ANKFN1: variants seen among roughly 807,000 people sequenced by gnomAD.
ANKFN1 encodes the protein ankyrin repeat and fibronectin type III domain containing 1, also known as ankyrin repeat and fibronectin type-III domain-containing protein 1.
In ANKFN1, 74 loss-of-function variants were observed where a neutral mutation model predicts 108.7. The ratio of observed to expected loss-of-function variants is 0.68; its 90% CI spans 0.56 to 0.83. The LOEUF (loss-of-function observed/expected upper bound fraction) is 0.83. ANKFN1 is among the 40% of genes least tolerant of loss of function. The pLI, the probability that ANKFN1 is intolerant of heterozygous loss-of-function variation, is 0.00. For missense variants in ANKFN1, 1,505 were observed against 1,382.3 expected, an observed-to-expected ratio of 1.09 and a Z score of -1.41; for synonymous variants, 547 against 516.2, an observed-to-expected ratio of 1.06 and a Z score of -0.81.
chr17:56,114,835 G>C (rs1021402845), intron 4 of ANKFN1, among the ~76,000 whole-genome samples: 12 of 152,222 alleles, frequency 7.9e-5, no homozygotes, highest in African/African-American at 2.9e-4. Context: ...ATGAATCAAA[G>C]TCAGAGAAGG....
intron 4 of ANKFN1, among the ~76,000 whole-genome samples, chr17:56,144,297 GA>G (rs1240781242): frequency 1.3e-5 from 2 of 151,836 alleles, no homozygotes; most frequent in African/African-American, 4.8e-5. Context: ...GGCTCCATGT[GA>G]AAAATCAAGA....
chr17:56,354,669 T>C (rs553872751), intron 6 of ANKFN1, among the ~76,000 whole-genome samples: 2 of 152,332 alleles, frequency 1.3e-5, no homozygotes, highest in South Asian at 2.1e-4. Flanking sequence ...TTGATACCCA[T>C]TGACCAATCT....
intron 8 of ANKFN1, among the ~76,000 whole-genome samples, chr17:56,387,002 T>C (rs1271870575): frequency 6.6e-6 from 1 of 152,142 alleles, no homozygotes; most frequent in Non-Finnish European, 1.5e-5. Context: ...GTTTAAATCA[T>C]GGTGATTATA....
intron 4 of ANKFN1, among the ~76,000 whole-genome samples, chr17:56,134,892 T>G (rs2143363976): frequency 6.6e-6 from 1 of 152,332 alleles, no homozygotes; most frequent in South Asian, 2.1e-4. Flanking sequence ...TTTATTATTT[T>G]TTTCTTCTGA....
Position 56,511,063 on chromosome 17 carries a change from A to C in ANKFN1, c.3235A>C (p.Ser1079Arg). The C allele has an allele frequency of 6.5e-7, 1 of 1,536,012 alleles. No homozygotes were observed. The highest frequency in any genetic ancestry group is 8.7e-7 in the Non-Finnish European group (1 of 1,146,866). ...AASLPEERNS[S>R]LQDARPSVRR... ...CAGCCTTCCTGAGGAGCGGAACAGC[A>C]GTCTCCAGGACGCGAGGCCTTCCGT... Residue 1079 changes from serine (S) to arginine (R), a missense_variant, in exon 21 of 21, where the codon AGT becomes CGT. Ser to Arg is a moderately radical substitution (Grantham distance 110). Transcript: ENST00000682825.
chr17:56,388,949 T>TGC (rs1322215985), intron 8 of ANKFN1, among the ~76,000 whole-genome samples: 1 of 151,610 alleles, frequency 6.6e-6, no homozygotes, highest in Non-Finnish European at 1.5e-5. Flanking sequence ...AGGTTGCTCT[T>TGC]ACATTGTTTG....
At chr17:56,446,317 T>C in intron 10 of ANKFN1, among the ~76,000 whole-genome samples, 1 of 152,138 alleles carries the variant, frequency 6.6e-6, no homozygotes, top group East Asian at 1.9e-4. Context: ...ACACACAACC[T>C]TGCTTATCTT....
chr17:56,330,373 G>A (rs2045630155), intron 4 of ANKFN1, among the ~76,000 whole-genome samples: 1 of 152,124 alleles, frequency 6.6e-6, no homozygotes. Context: ...GAATGGTATG[G>A]GGGAAACCGC....
At chr17:56,404,484 A>G (rs2047858189) in intron 8 of ANKFN1, among the ~76,000 whole-genome samples, 1 of 152,160 alleles carries the variant, frequency 6.6e-6, no homozygotes, top group Non-Finnish European at 1.5e-5. Flanking sequence ...CATTTCTAAA[A>G]GTGTGTCCAA....
At chr17:56,413,488 C>T (rs1020619233) in intron 8 of ANKFN1, among the ~76,000 whole-genome samples, 2 of 152,168 alleles carry the variant, frequency 1.3e-5, no homozygotes, top group African/African-American at 4.8e-5. Context: ...CAGAGGGCAT[C>T]CTTGTCTTAT....
intron 3 of ANKFN1, among the ~76,000 whole-genome samples, chr17:56,310,748 T>TTGTGTG (rs71137198): frequency 0.073 from 10,965 of 150,126 alleles, 392 homozygotes; most frequent in East Asian, 0.13. Context: ...CACAATTACT[T>TTGTGTG]TGTGTGTGTG....
At chr17:56,280,006 G>GTTTTTTTTTTTTTTTTTTTTTTTTTTT (rs2044030329) in intron 3 of ANKFN1, among the ~76,000 whole-genome samples, 1 of 138,332 alleles carries the variant, frequency 7.2e-6, no homozygotes, top group African/African-American at 3.1e-5. Context: ...GCCACATAAT[G>GTTTTTTTTTTTTTTTTTTTTTTTTTTT]TCTTTTTTTT....
At chr17:56,423,732 C>A (rs1371812408) in intron 8 of ANKFN1, among the ~76,000 whole-genome samples, 1 of 152,202 alleles carries the variant, frequency 6.6e-6, no homozygotes, top group African/African-American at 2.4e-5. Flanking sequence ...CTCCCTGCCC[C>A]AACTTAGTTG....
At chr17:56,469,662 A>T (rs996960482) in intron 15 of ANKFN1, among the ~76,000 whole-genome samples, 31 of 152,068 alleles carry the variant, frequency 2.0e-4, no homozygotes, top group African/African-American at 6.8e-4. Context: ...TCTGCAAAAA[A>T]CCTACTTCAT....
intron 6 of ANKFN1, among the ~76,000 whole-genome samples, chr17:56,367,723 G>A (rs1263641301): frequency 6.6e-6 from 1 of 152,162 alleles, no homozygotes; most frequent in Non-Finnish European, 1.5e-5. Flanking sequence ...GAGATCAGGA[G>A]TATGGCCTCC....
chr17:56,347,604 T>C (rs1469797538), intron 4 of ANKFN1, among the ~76,000 whole-genome samples: 22 of 152,074 alleles, frequency 1.4e-4, no homozygotes, highest in Admixed American at 1.4e-3. Flanking sequence ...TCATGCATAT[T>C]TGTAATAACA....
chr17:56,259,123 G>A (rs956392213), intron 3 of ANKFN1, among the ~76,000 whole-genome samples: 1 of 151,958 alleles, frequency 6.6e-6, no homozygotes, highest in African/African-American at 2.4e-5. Flanking sequence ...CATTTTTGAG[G>A]GAACAAAGAT....
chr17:56,311,484 C>A (rs948649794), intron 3 of ANKFN1, among the ~76,000 whole-genome samples: 1 of 152,156 alleles, frequency 6.6e-6, no homozygotes, highest in Non-Finnish European at 1.5e-5. Context: ...ACCCTGAGTA[C>A]GTTATATTTT....
chr17:56,285,710 C>A lies in ANKFN1; in HGVS notation c.54-40511C>A, dbSNP rs1405405213. 2.0e-5 allele frequency among the ~76,000 whole-genome samples: 3 copies of A among 152,138 alleles called. 1 individual carries two copies. Among genetic ancestry groups the A allele is most frequent in the Admixed American group, 2.0e-4 (3 of 15,268 alleles). On this transcript the variant is annotated intron_variant, in intron 3 of 20. Coordinates refer to ENST00000682825, the MANE Select transcript of ANKFN1 (RefSeq NM_001370326.1). Reference sequence around the variant, plus strand: ...TCCCTGCCCAGATAGTCCTCTTCCTCGGTTTCCTCCCAATAGTCCTCTTCC... The same window carrying A: ...TCCCTGCCCAGATAGTCCTCTTCCTAGGTTTCCTCCCAATAGTCCTCTTCC...
Sources: allele counts gnomAD v4.1 joint callset (sites outside exome capture counted in the v4.1 genomes callset), GRCh38; gene constraint gnomAD v4.1.1; transcripts MANE v1.5; gene names NCBI Gene and HGNC (gene_info 2026-07-23, HGNC 2026-07-21).